The following CYTH3 variants were observed in gnomAD, a reference collection of about 807,000 sequenced individuals.
CYTH3 encodes cytohesin-3.
In CYTH3, 23 loss-of-function variants were observed where a neutral mutation model predicts 55.1. The observed-to-expected ratio is 0.42, with a 90% confidence interval of 0.30 to 0.59. The LOEUF (loss-of-function observed/expected upper bound fraction) is 0.59. CYTH3 is among the 20% of genes least tolerant of loss of function. The pLI is 0.20. For synonymous variants in CYTH3, 249 were observed against 194.9 expected, an observed-to-expected ratio of 1.28 and a Z score of -2.31; for missense variants, 413 against 524.8, an observed-to-expected ratio of 0.79 and a Z score of 2.08.
chr7:6,165,349 C>T lies in CYTH3; in HGVS notation c.1051G>A (p.Val351Ile). The T allele has an allele frequency of 6.2e-7, 1 of 1,614,176 alleles. No homozygotes were observed. Among genetic ancestry groups the T allele is most frequent in the Non-Finnish European group, 8.5e-7 (1 of 1,180,030 alleles). Reference sequence around the variant, plus strand: ...CGGTACACCACATGGTTCCCCTCTACCACGCGGCCGTCGGCCTCAGTCTTA... The same window carrying T: ...CGGTACACCACATGGTTCCCCTCTATCACGCGGCCGTCGGCCTCAGTCTTA... ...ACKTEADGRVVEGNHVVYRIS... is the reference protein window; with the variant it reads ...ACKTEADGRVIEGNHVVYRIS... The change falls in exon 12 of 13, where the codon GTA (valine) becomes ATA (isoleucine). Residue 351 changes from valine to isoleucine, a missense_variant. Val to Ile is a conservative substitution (Grantham distance 29). Coordinates refer to ENST00000350796, the MANE Select transcript of CYTH3 (RefSeq NM_004227.4).
intron 1 of CYTH3, among the ~76,000 whole-genome samples, chr7:6,251,264 A>C (rs781781532): frequency 3.9e-5 from 6 of 152,182 alleles, no homozygotes; most frequent in Non-Finnish European, 7.3e-5. Context: ...AACAAGAGCG[A>C]AACACCGTCT....
At chr7:6,266,559 G>C (rs779758773) in intron 1 of CYTH3, among the ~76,000 whole-genome samples, 4 of 152,046 alleles carry the variant, frequency 2.6e-5, no homozygotes, top group Non-Finnish European at 5.9e-5. Context: ...TATCTCTCCC[G>C]CTTCACTGTC....
intron 1 of CYTH3, among the ~76,000 whole-genome samples, chr7:6,254,474 A>T (rs1404483480): frequency 6.6e-6 from 1 of 152,216 alleles, no homozygotes; most frequent in East Asian, 1.9e-4. Context: ...TTTGAGACGG[A>T]GTCTCGTTCT....
At chr7:6,185,319 T>C (rs1204535581) in intron 4 of CYTH3, among the ~76,000 whole-genome samples, 1 of 151,440 alleles carries the variant, frequency 6.6e-6, no homozygotes, top group African/African-American at 2.5e-5. Flanking sequence ...GCGCAGTGGC[T>C]CATGCCTGTA....
intron 1 of CYTH3, among the ~76,000 whole-genome samples, chr7:6,263,614 A>T (rs1780411587): frequency 6.6e-6 from 1 of 151,352 alleles, no homozygotes. Flanking sequence ...TGGCCAACGT[A>T]GCAAAAACCT....
At chr7:6,177,242 C>T (rs969122876) in intron 5 of CYTH3, among the ~76,000 whole-genome samples, 1 of 152,200 alleles carries the variant, frequency 6.6e-6, no homozygotes, top group South Asian at 2.1e-4. Context: ...AGCTAAAAAC[C>T]AAAACCGCCC....
chr7:6,238,227 A>G (rs1025060773), intron 1 of CYTH3, among the ~76,000 whole-genome samples: 4 of 152,016 alleles, frequency 2.6e-5, no homozygotes, highest in African/African-American at 9.7e-5. Flanking sequence ...ATTCACTTCA[A>G]TATTTTTTTA....
intron 1 of CYTH3, among the ~76,000 whole-genome samples, chr7:6,238,503 GATA>G (rs1247319755): frequency 1.3e-5 from 2 of 152,186 alleles, no homozygotes; most frequent in African/African-American, 4.8e-5. Context: ...ATACATTACA[GATA>G]ATGTCAATAA....
At chr7:6,220,037 C>A (rs1299132219) in intron 1 of CYTH3, among the ~76,000 whole-genome samples, 1 of 151,984 alleles carries the variant, frequency 6.6e-6, no homozygotes, top group African/African-American at 2.4e-5. Flanking sequence ...CAGGCATGCA[C>A]CACCACACCC....
intron 5 of CYTH3, among the ~76,000 whole-genome samples, chr7:6,174,271 T>G (rs547343576): frequency 2.8e-4 from 43 of 151,854 alleles, no homozygotes; most frequent in African/African-American, 1.0e-3. Context: ...TGCGCCACCA[T>G]GCCCGGCTAA....
At chr7:6,259,797 ATATATAT>A (rs1284087538) in intron 1 of CYTH3, among the ~76,000 whole-genome samples, 1 of 20,518 alleles carries the variant, frequency 4.9e-5, no homozygotes, top group Non-Finnish European at 6.9e-5. Flanking sequence ...ATATATATAT[ATATATAT>A]ATATATATAA....
chr7:6,164,613 C>T lies in CYTH3; in HGVS notation c.*331G>A, dbSNP rs1029820489. 2.7e-6 allele frequency: 1 copy of T among 366,818 alleles called. No individual in the cohort carries two copies. Among genetic ancestry groups the T allele is most frequent in the Non-Finnish European group, 5.1e-6 (1 of 197,172 alleles). 22.7% of individuals were successfully genotyped at this position (366,818 alleles called of 1,614,324 possible). On this transcript the variant is annotated 3_prime_UTR_variant, in exon 13 of 13. Transcript: ENST00000350796. Reference sequence around the variant, plus strand: ...ACAGCGGAAGCTGCTGTCCTGGCTTCTCCCCCTAGGGGCGCCGGGATGGTC... The same window carrying T: ...ACAGCGGAAGCTGCTGTCCTGGCTTTTCCCCCTAGGGGCGCCGGGATGGTC...
intron 1 of CYTH3, among the ~76,000 whole-genome samples, chr7:6,226,995 G>C (rs1161237241): frequency 1.3e-5 from 2 of 151,836 alleles, no homozygotes; most frequent in Non-Finnish European, 2.9e-5. Context: ...CAGAAGAACG[G>C]TGTGAACCCG....
At chr7:6,186,328 G>T (rs1247473519) in intron 4 of CYTH3, among the ~76,000 whole-genome samples, 1 of 151,334 alleles carries the variant, frequency 6.6e-6, no homozygotes, top group Non-Finnish European at 1.5e-5. Context: ...ACCTTCCCGT[G>T]GACACGCCGT....
At chr7:6,258,603 G>C (rs139287328) in intron 1 of CYTH3, among the ~76,000 whole-genome samples, 1 of 152,008 alleles carries the variant, frequency 6.6e-6, no homozygotes, top group East Asian at 1.9e-4. Context: ...TTGCAATAGG[G>C]CATCAACAAT....
At chr7:6,227,888 T>C (rs956153554) in intron 1 of CYTH3, among the ~76,000 whole-genome samples, 9 of 152,216 alleles carry the variant, frequency 5.9e-5, no homozygotes, top group African/African-American at 2.2e-4. Context: ...AACCAGGGTA[T>C]ACAAGTGCTC....
At chr7:6,238,533 G>C (rs975373278) in intron 1 of CYTH3, among the ~76,000 whole-genome samples, 1 of 152,138 alleles carries the variant, frequency 6.6e-6, no homozygotes, top group African/African-American at 2.4e-5. Flanking sequence ...CAAACAGGCA[G>C]GCATATTGAG....
At chr7:6,174,770 A>C (rs1783301142) in intron 5 of CYTH3, among the ~76,000 whole-genome samples, 1 of 150,180 alleles carries the variant, frequency 6.7e-6, no homozygotes, top group Admixed American at 6.6e-5. Context: ...GATGGTCTAG[A>C]TCTCCTAACC....
chr7:6,233,581 A>G (rs370082323), intron 1 of CYTH3, among the ~76,000 whole-genome samples: 100 of 149,982 alleles, frequency 6.7e-4, no homozygotes, highest in African/African-American at 2.4e-3. Flanking sequence ...GCTTGAACCC[A>G]GGAGGCAGAG....
Sources: gnomAD v4.1 joint callset for allele counts (sites outside exome capture counted in the v4.1 genomes callset) on GRCh38, gnomAD v4.1.1 for gene constraint, MANE v1.5 for transcripts, NCBI Gene and HGNC (gene_info 2026-07-23, HGNC 2026-07-21) for gene names.